The following AGBL1 variants were observed in gnomAD, a reference collection of about 807,000 sequenced individuals.
The protein encoded by AGBL1 is cytosolic carboxypeptidase 4.
AGBL1 carries 130 observed loss-of-function variants against 118.9 expected under a neutral mutation model. The observed-to-expected ratio is 1.09, with a 90% CI of 0.95 to 1.26. The LOEUF (loss-of-function observed/expected upper bound fraction) is 1.26, where lower values mean the gene tolerates loss of function less well. Ranked by LOEUF, AGBL1 falls within the 50% of genes most tolerant of loss-of-function variation. The probability of loss-of-function intolerance (pLI) is 0.00; values close to 1 mark genes in which losing one functional copy is unlikely to be tolerated. For synonymous variants in AGBL1, 555 were observed against 478.9 expected (o/e 1.16, Z -2.08); for missense variants, 1,584 against 1,298.1 (o/e 1.22, Z -3.38).
At chr15:86,905,494 C>G (rs1300590862) in intron 22 of AGBL1, among the ~76,000 whole-genome samples, 1 of 152,214 alleles carries the variant, frequency 6.6e-6, no homozygotes, top group Non-Finnish European at 1.5e-5. Context: ...AATCTACATG[C>G]ATGCTCTTCT....
In AGBL1 at chr15:86,708,649, A is replaced by G. The variant is rs74025437; in HGVS notation, c.3158+34213A>G. ...AAAAGCCCTGTGTTAATGAGGTTTTATTATAGATGAAGACACTGATGTTCT... is the reference window on the plus strand; with the variant it reads ...AAAAGCCCTGTGTTAATGAGGTTTTGTTATAGATGAAGACACTGATGTTCT... On this transcript the variant is annotated intron_variant, in intron 22 of 22. Coordinates refer to ENST00000614907, the MANE Select transcript of AGBL1 (RefSeq NM_001386094.1). 1.7e-3 allele frequency among the ~76,000 whole-genome samples: 262 copies of G among 152,310 alleles called. 4 individuals are homozygous for G. Among genetic ancestry groups the G allele is most frequent in the Middle Eastern group, 0.017 (5 of 294 alleles).
At chr15:86,331,776 C>A (rs1026923907) in intron 17 of AGBL1, among the ~76,000 whole-genome samples, 1 of 152,220 alleles carries the variant, frequency 6.6e-6, no homozygotes, top group East Asian at 1.9e-4. Flanking sequence ...CCAGACCAGA[C>A]TTACAAGAGC....
intron 18 of AGBL1, among the ~76,000 whole-genome samples, chr15:86,492,610 GA>G (rs990283241): frequency 2.2e-4 from 12 of 53,380 alleles, no homozygotes; most frequent in African/African-American, 5.2e-4. Context: ...AAAAAAAAAA[GA>G]AAAAAAAAGA....
At chr15:86,313,275 A>G (rs1019406612) in intron 17 of AGBL1, among the ~76,000 whole-genome samples, 1 of 152,206 alleles carries the variant, frequency 6.6e-6, no homozygotes, top group Admixed American at 6.5e-5. Context: ...GTTTAGGTAT[A>G]TAATGTAGTC....
intron 21 of AGBL1, among the ~76,000 whole-genome samples, chr15:86,659,738 A>G (rs2085511059): frequency 6.6e-6 from 1 of 152,186 alleles, no homozygotes; most frequent in Non-Finnish European, 1.5e-5. Context: ...GACTAACTGG[A>G]AAAGGTTTCA....
chr15:86,101,523 C>T (rs1243266264), intron 1 of AGBL1, among the ~76,000 whole-genome samples: 1 of 151,738 alleles, frequency 6.6e-6, no homozygotes, highest in Non-Finnish European at 1.5e-5. Flanking sequence ...ATATTTGATA[C>T]TATTTGCTTT....
At chr15:86,775,340 A>G (rs2078239751) in intron 22 of AGBL1, among the ~76,000 whole-genome samples, 1 of 152,154 alleles carries the variant, frequency 6.6e-6, no homozygotes, top group African/African-American at 2.4e-5. Flanking sequence ...TATATGAAGA[A>G]AAATGCAAAA....
chr15:86,527,455 C>G (rs753199942), intron 19 of AGBL1, among the ~76,000 whole-genome samples: 2 of 152,202 alleles, frequency 1.3e-5, no homozygotes, highest in Non-Finnish European at 2.9e-5. Context: ...CAGCTGAGCA[C>G]TAAATGCTGT....
At chr15:86,129,119 T>G (rs2076786436) in intron 1 of AGBL1, among the ~76,000 whole-genome samples, 1 of 152,226 alleles carries the variant, frequency 6.6e-6, no homozygotes, top group Non-Finnish European at 1.5e-5. Flanking sequence ...GAATTAATAG[T>G]CATTCAAAAA....
chr15:86,208,460 G>C (rs4887413), intron 5 of AGBL1, among the ~76,000 whole-genome samples: 1 of 151,876 alleles, frequency 6.6e-6, no homozygotes, highest in Non-Finnish European at 1.5e-5. Flanking sequence ...TGGACTTTTT[G>C]GATTGGTAGG....
intron 24 of AGBL1, among the ~76,000 whole-genome samples, chr15:86,988,663 A>C (rs2081308506): frequency 6.6e-6 from 1 of 152,186 alleles, no homozygotes; most frequent in South Asian, 2.1e-4. Context: ...AGTTCTTAAT[A>C]TTTTGGCAAT....
At chr15:86,250,187 A>G (rs1328434653) in intron 7 of AGBL1, among the ~76,000 whole-genome samples, 1 of 152,096 alleles carries the variant, frequency 6.6e-6, no homozygotes, top group African/African-American at 2.4e-5. Context: ...CAAGAGGTTG[A>G]ATTCCTCACC....
intron 22 of AGBL1, among the ~76,000 whole-genome samples, chr15:86,740,028 T>C (rs2141233191): frequency 6.6e-6 from 1 of 152,364 alleles, no homozygotes; most frequent in African/African-American, 2.4e-5. Context: ...CCAGGAGTTC[T>C]AAAGCTATAA....
intron 17 of AGBL1, among the ~76,000 whole-genome samples, chr15:86,302,778 C>CAAA (rs11345100): frequency 8.3e-5 from 8 of 95,826 alleles, no homozygotes; most frequent in Non-Finnish European, 1.4e-4. Flanking sequence ...GACCCTGTCT[C>CAAA]AAAAAAAAAA....
intron 24 of AGBL1, among the ~76,000 whole-genome samples, chr15:87,018,780 C>T (rs1219555161): frequency 6.6e-6 from 1 of 152,052 alleles, no homozygotes; most frequent in Admixed American, 6.6e-5. Flanking sequence ...CAATACAAAG[C>T]TTAAATGTTA....
chr15:86,153,317 A>G (rs1384998924), intron 3 of AGBL1, among the ~76,000 whole-genome samples: 1 of 152,236 alleles, frequency 6.6e-6, no homozygotes, highest in Non-Finnish European at 1.5e-5. Context: ...TACCCCATGG[A>G]ATACTATGCA....
chr15:86,568,700 G>T (rs1489969365), intron 21 of AGBL1, among the ~76,000 whole-genome samples: 1 of 152,158 alleles, frequency 6.6e-6, no homozygotes, highest in Admixed American at 6.5e-5. Context: ...AGACTCCCAG[G>T]CCCCACCTAC....
chr15:86,095,708 G>A (rs34024222), intron 1 of AGBL1, among the ~76,000 whole-genome samples: 1 of 130,832 alleles, frequency 7.6e-6, no homozygotes, highest in Admixed American at 8.8e-5. Flanking sequence ...ATACTGCTGA[G>A]AGCTGTTGGT....
At chr15:86,845,384 C>G (rs1043312492) in intron 22 of AGBL1, among the ~76,000 whole-genome samples, 3 of 152,074 alleles carry the variant, frequency 2.0e-5, no homozygotes, top group Non-Finnish European at 2.9e-5. Flanking sequence ...ACAGTGTACA[C>G]TCTATTGTTT....
Sources: gnomAD v4.1 joint callset for allele counts (sites outside exome capture counted in the v4.1 genomes callset) on GRCh38, gnomAD v4.1.1 for gene constraint, MANE v1.5 for transcripts, NCBI Gene and HGNC (gene_info 2026-07-23, HGNC 2026-07-21) for gene names.